Variants in PDE4D observed in about 807,000 individuals in gnomAD.
The protein encoded by PDE4D is 3',5'-cyclic-AMP phosphodiesterase 4D.
In PDE4D, 24 loss-of-function variants were observed where a neutral mutation model predicts 87.4. The ratio of observed to expected loss-of-function variants is 0.27; its 90% CI spans 0.20 to 0.39. The LOEUF is 0.39. Among genes scored for constraint, PDE4D ranks in the 10% least tolerant of loss-of-function variants. The probability of loss-of-function intolerance (pLI) is 1.00; values close to 1 mark genes in which losing one functional copy is unlikely to be tolerated. For synonymous variants in PDE4D, 384 were observed against 383.2 expected, an observed-to-expected ratio of 1.00 and a Z score of -0.02; for missense variants, 714 against 1,041.0, an observed-to-expected ratio of 0.69 and a Z score of 4.32.
At chr5:59,177,334 T>G (rs753610031) in intron 5 of PDE4D, among the ~76,000 whole-genome samples, 1 of 152,182 alleles carries the variant, frequency 6.6e-6, no homozygotes, top group African/African-American at 2.4e-5. Flanking sequence ...ACCCAGTCTA[T>G]GGTACTTTGT....
intron 2 of PDE4D, among the ~76,000 whole-genome samples, chr5:59,995,077 A>G (rs1033884912): frequency 3.3e-5 from 5 of 152,174 alleles, no homozygotes; most frequent in African/African-American, 1.2e-4. Context: ...CACTTTTGCA[A>G]GTTGAAAGAA....
At chr5:60,386,345 G>A (rs1342734098) in intron 1 of PDE4D, among the ~76,000 whole-genome samples, 3 of 152,142 alleles carry the variant, frequency 2.0e-5, no homozygotes, top group Non-Finnish European at 4.4e-5. Flanking sequence ...AAATGCTTAA[G>A]AGCCCCTAAT....
At chr5:59,328,110 A>T (rs892589043) in intron 1 of PDE4D, among the ~76,000 whole-genome samples, 1 of 152,216 alleles carries the variant, frequency 6.6e-6, no homozygotes, top group Non-Finnish European at 1.5e-5. Flanking sequence ...TCCTTTTATT[A>T]GAAATAGCAC....
chr5:59,411,842 G>T (rs757287750), intron 1 of PDE4D, among the ~76,000 whole-genome samples: 1 of 152,106 alleles, frequency 6.6e-6, no homozygotes, highest in Admixed American at 6.5e-5. Flanking sequence ...TTAACACTAC[G>T]CCAAATGTAT....
chr5:60,404,136 A>G (rs1741320496), intron 1 of PDE4D, among the ~76,000 whole-genome samples: 1 of 148,122 alleles, frequency 6.8e-6, no homozygotes, highest in South Asian at 2.2e-4. Context: ...TATTTTGTGT[A>G]CCCAGCACCC....
At chr5:60,062,570 T>C (rs1321857198) in intron 2 of PDE4D, among the ~76,000 whole-genome samples, 1 of 152,150 alleles carries the variant, frequency 6.6e-6, no homozygotes, top group Non-Finnish European at 1.5e-5. Context: ...ACTGGATAAA[T>C]ACCTAGAGGA....
intron 5 of PDE4D, among the ~76,000 whole-genome samples, chr5:59,171,054 G>A (rs541127862): frequency 7.2e-5 from 11 of 151,924 alleles, no homozygotes; most frequent in African/African-American, 2.7e-4. Context: ...GCTAATTTTT[G>A]TATTTTTAGT....
At chr5:60,273,476 C>T (rs1368486015) in intron 1 of PDE4D, among the ~76,000 whole-genome samples, 4 of 152,070 alleles carry the variant, frequency 2.6e-5, no homozygotes, top group African/African-American at 9.7e-5. Flanking sequence ...TGGAGAGCTA[C>T]TAAAGAGTTT....
intron 1 of PDE4D, among the ~76,000 whole-genome samples, chr5:60,341,737 A>G (rs1758338058): frequency 6.6e-6 from 1 of 152,174 alleles, no homozygotes; most frequent in South Asian, 2.1e-4. Context: ...TCCAAGGCCA[A>G]AATTAACCTC....
At chr5:60,072,733 A>C (rs956035435) in intron 2 of PDE4D, among the ~76,000 whole-genome samples, 2 of 152,192 alleles carry the variant, frequency 1.3e-5, no homozygotes, top group Admixed American at 6.5e-5. Flanking sequence ...ATCGCTAGCC[A>C]GTTTTCTCAG....
intron 2 of PDE4D, among the ~76,000 whole-genome samples, chr5:60,029,105 A>G (rs1412657518): frequency 2.6e-5 from 4 of 152,190 alleles, no homozygotes; most frequent in African/African-American, 9.7e-5. Context: ...TTACTTGTAT[A>G]AATGTATGGG....
intron 1 of PDE4D, among the ~76,000 whole-genome samples, chr5:59,538,443 G>A (rs1815668348): frequency 6.6e-6 from 1 of 152,124 alleles, no homozygotes; most frequent in Admixed American, 6.6e-5. Flanking sequence ...CTCAGTGAAT[G>A]GCCTACTGTT....
At chr5:59,521,156 T>C (rs925666522) in intron 1 of PDE4D, among the ~76,000 whole-genome samples, 1 of 150,322 alleles carries the variant, frequency 6.7e-6, no homozygotes, top group African/African-American at 2.4e-5. Flanking sequence ...AATGGAAAAC[T>C]GAGGCAGGAC....
chr5:59,085,048 A>G (rs115430151), intron 5 of PDE4D, among the ~76,000 whole-genome samples: 516 of 152,268 alleles, frequency 3.4e-3, no homozygotes, highest in Non-Finnish European at 5.7e-3. Flanking sequence ...TAGTTTGACA[A>G]TTCTAATTCT....
intron 5 of PDE4D, among the ~76,000 whole-genome samples, chr5:59,073,646 C>T (rs943445826): frequency 2.0e-5 from 3 of 151,990 alleles, no homozygotes; most frequent in African/African-American, 4.8e-5. Flanking sequence ...AGGTGTCAGG[C>T]GGTTGGTGCT....
At chr5:59,901,934 AC>A (rs1752312287) in intron 3 of PDE4D, among the ~76,000 whole-genome samples, 1 of 28,442 alleles carries the variant, frequency 3.5e-5, no homozygotes, top group Non-Finnish European at 6.7e-5. Context: ...ACACACACAC[AC>A]ACACACACAC....
At chr5:59,891,808 A>T (rs1036047657) in intron 1 of PDE4D, among the ~76,000 whole-genome samples, 1 of 96,074 alleles carries the variant, frequency 1.0e-5, no homozygotes, top group Admixed American at 1.0e-4. Context: ...CACACACACA[A>T]AACTCAAACA....
intron 1 of PDE4D, among the ~76,000 whole-genome samples, chr5:60,301,873 T>C (rs1554201489): frequency 6.6e-6 from 1 of 152,196 alleles, no homozygotes; most frequent in Non-Finnish European, 1.5e-5. Context: ...TTGAGAGTTT[T>C]TAACATGAGT....
chr5:60,030,301 T>G (rs1216000353), intron 2 of PDE4D, among the ~76,000 whole-genome samples: 1 of 151,054 alleles, frequency 6.6e-6, no homozygotes, highest in African/African-American at 2.4e-5. Context: ...ATACAAAAAA[T>G]TAGCCGGGCG....
Sources: gnomAD v4.1 joint callset for allele counts (sites outside exome capture counted in the v4.1 genomes callset) on GRCh38, gnomAD v4.1.1 for gene constraint, MANE v1.5 for transcripts, NCBI Gene and HGNC (gene_info 2026-07-23, HGNC 2026-07-21) for gene names.